The following RNF128 variants were observed in gnomAD, a reference collection of about 807,000 sequenced individuals.
RNF128 encodes E3 ubiquitin-protein ligase RNF128.
RNF128 carries 13 observed loss-of-function variants against 26.2 expected under a neutral mutation model. The ratio of observed to expected loss-of-function variants is 0.50; its 90% confidence interval spans 0.32 to 0.79. The LOEUF is 0.79. RNF128 is among the 30% of genes least tolerant of loss of function. RNF128 has a pLI of 0.03. For missense variants in RNF128, 315 were observed against 349.7 expected (o/e 0.90, Z 0.79); for synonymous variants, 149 against 142.5 (o/e 1.05, Z -0.32).
At chrX:106,765,582 T>C (rs1930205171) in intron 1 of RNF128, among the ~76,000 whole-genome samples, 1 of 111,725 alleles carries the variant, frequency 9.0e-6, no homozygotes, top group Non-Finnish European at 1.9e-5. Context: ...TCCAGACCCA[T>C]AAGGGATATT....
chrX:106,774,826 A>G (rs1458816140), intron 2 of RNF128, among the ~76,000 whole-genome samples: 1 of 111,932 alleles, frequency 8.9e-6, no homozygotes, highest in Middle Eastern at 4.2e-3. Context: ...GTTTCTCTAA[A>G]GGCGATCGAT....
chrX:106,754,402 T>A (rs1443545276), intron 1 of RNF128, among the ~76,000 whole-genome samples: 1 of 96,331 alleles, frequency 1.0e-5, no homozygotes, highest in Non-Finnish European at 2.0e-5. Context: ...TGGCAATGTT[T>A]TCTTTCTCTT....
intron 1 of RNF128, among the ~76,000 whole-genome samples, chrX:106,766,414 G>A (rs973610427): frequency 1.8e-5 from 2 of 112,135 alleles, no homozygotes; most frequent in African/African-American, 6.5e-5. Context: ...ATTCTAAGTC[G>A]TGTGAGATGG....
chrX:106,769,119 G>A (rs925441137), intron 1 of RNF128, among the ~76,000 whole-genome samples: 1 of 111,872 alleles, frequency 8.9e-6, no homozygotes, highest in Non-Finnish European at 1.9e-5. Flanking sequence ...TTGCTGAGGA[G>A]TGTTTTACTT....
intron 1 of RNF128, among the ~76,000 whole-genome samples, chrX:106,703,427 GAC>G (rs1288734873): frequency 9.0e-6 from 1 of 111,384 alleles, no homozygotes; most frequent in African/African-American, 3.3e-5. Flanking sequence ...AGAAAACTGA[GAC>G]ACAGAGAGAT....
intron 1 of RNF128, among the ~76,000 whole-genome samples, chrX:106,764,041 C>T (rs1023845708): frequency 9.1e-6 from 1 of 109,561 alleles, no homozygotes; most frequent in Non-Finnish European, 1.9e-5. Flanking sequence ...CAGCTCACTG[C>T]AAGCTCCACC....
chrX:106,712,494 T>A (rs965522471), intron 1 of RNF128, among the ~76,000 whole-genome samples: 2 of 112,398 alleles, frequency 1.8e-5, no homozygotes, highest in African/African-American at 6.5e-5. Context: ...CACTAACACT[T>A]TGAGCATGAG....
intron 1 of RNF128, among the ~76,000 whole-genome samples, chrX:106,759,403 A>C (rs2147686361): frequency 9.0e-6 from 1 of 111,595 alleles, no homozygotes; most frequent in East Asian, 2.8e-4. Flanking sequence ...AAATAGAATT[A>C]CCGTATAATC....
At chrX:106,749,850 A>C (rs1166556847) in intron 1 of RNF128, among the ~76,000 whole-genome samples, 4 of 109,844 alleles carry the variant, frequency 3.6e-5, no homozygotes, top group African/African-American at 1.3e-4. Context: ...GACTGCAGTG[A>C]GCCGTGATCG....
In RNF128 at chrX:106,772,998, A is replaced by G. The variant is rs1930402141; in HGVS notation, c.570A>G (p.Thr190=). The change falls in exon 2 of 7, where the codon ACA becomes ACG. Residue 190 remains threonine, a synonymous_variant. Transcript: ENST00000255499. The stretch of plus-strand genomic sequence containing the variant: ...CTATTCAAAGAGGCATACAAGTGAC[A>G]ATGGTCATAGAAGTAGGGAAAAAAC... ...LQSIQRGIQV[T]MVIEVGKKHG... 8.3e-7 allele frequency: 1 copy of G among 1,211,626 alleles called. No individual in the cohort carries two copies.
At chrX:106,722,553 ACC>A (rs753064286), upstream of RNF128, among the ~76,000 whole-genome samples, 84 of 111,812 alleles carry the variant, frequency 7.5e-4, no homozygotes, top group African/African-American at 2.7e-3. Context: ...CCAGTGGGTT[ACC>A]CAGGCAAGTC....
intron 1 of RNF128, among the ~76,000 whole-genome samples, chrX:106,728,340 G>T (rs1421201581): frequency 8.9e-6 from 1 of 112,088 alleles, no homozygotes; most frequent in Non-Finnish European, 1.9e-5. Flanking sequence ...TTCCTACTCT[G>T]TTGCTTACTA....
intron 1 of RNF128, among the ~76,000 whole-genome samples, chrX:106,747,993 T>C (rs756173473): frequency 9.0e-6 from 1 of 111,612 alleles, no homozygotes; most frequent in Non-Finnish European, 1.9e-5. Context: ...GTAAAACACT[T>C]AATGAATGAA....
chrX:106,704,224 A>G (rs1194196634), intron 1 of RNF128, among the ~76,000 whole-genome samples: 2 of 110,068 alleles, frequency 1.8e-5, no homozygotes, highest in Admixed American at 1.9e-4. Context: ...TCACGAGGTC[A>G]GGAGATCAAA....
chrX:106,781,233 G>A (rs189848038), intron 2 of RNF128, among the ~76,000 whole-genome samples: 1 of 111,845 alleles, frequency 8.9e-6, no homozygotes, highest in African/African-American at 3.2e-5. Flanking sequence ...TGGAAATAAT[G>A]TGTTACTGGA....
At chrX:106,729,311 G>A (rs1929462145) in intron 1 of RNF128, among the ~76,000 whole-genome samples, 1 of 110,996 alleles carries the variant, frequency 9.0e-6, no homozygotes, top group Non-Finnish European at 1.9e-5. Context: ...CCACACAATA[G>A]CTTTGTGTCC....
chrX:106,715,638 A>G (rs1929202565), intron 1 of RNF128, among the ~76,000 whole-genome samples: 1 of 112,199 alleles, frequency 8.9e-6, no homozygotes, highest in Admixed American at 9.4e-5. Context: ...AGAGAATACA[A>G]CTGGAGATAA....
intron 1 of RNF128, among the ~76,000 whole-genome samples, chrX:106,738,690 G>T (rs1173186649): frequency 8.9e-6 from 1 of 112,003 alleles, no homozygotes. Context: ...AATGGATTTG[G>T]TATGAGTCCC....
intron 1 of RNF128, among the ~76,000 whole-genome samples, chrX:106,712,882 C>CT (rs770554444): frequency 0.05 from 4,745 of 95,045 alleles, 361 homozygotes; most frequent in African/African-American, 0.18. Context: ...GATAAAGTTA[C>CT]TTTTTTTTTT....
Sources: gnomAD v4.1 joint callset for allele counts (sites outside exome capture counted in the v4.1 genomes callset) on GRCh38, gnomAD v4.1.1 for gene constraint, MANE v1.5 for transcripts, NCBI Gene and HGNC (gene_info 2026-07-23, HGNC 2026-07-21) for gene names.